FLACC1: variants seen among roughly 807,000 people sequenced by gnomAD.
The protein encoded by FLACC1 is flagellum-associated coiled-coil domain-containing protein 1.
A neutral mutation model predicts 62.8 loss-of-function variants in FLACC1; 66 were observed. The observed-to-expected ratio is 1.05, with a 90% CI of 0.86 to 1.29. FLACC1 has a LOEUF of 1.29. Ranked by LOEUF, FLACC1 falls within the 50% of genes most tolerant of loss-of-function variation. FLACC1 has a pLI of 0.00. For synonymous variants in FLACC1, 156 were observed against 161.0 expected (o/e 0.97, Z 0.24); for missense variants, 452 against 489.1 (o/e 0.92, Z 0.71).
At chr2:201,307,651 T>G in intron 10 of FLACC1, 29 bp from the exon 11 acceptor site, 1 of 1,486,014 alleles carries the variant, frequency 6.7e-7, no homozygotes, top group Non-Finnish European at 9.4e-7. Flanking sequence ...AGCACATATA[T>G]GTGTAAAGAT....
chr2:201,308,343 C>T (rs1950147822), intron 10 of FLACC1, among the ~76,000 whole-genome samples: 1 of 152,176 alleles, frequency 6.6e-6, no homozygotes, highest in Non-Finnish European at 1.5e-5. Context: ...GGAGCAGCTC[C>T]CCCTCCCGTT....
At chr2:201,354,138 A>G (rs1459728895) in intron 1 of FLACC1, among the ~76,000 whole-genome samples, 5 of 152,182 alleles carry the variant, frequency 3.3e-5, no homozygotes, top group Admixed American at 1.3e-4. Context: ...TGACCTTAAG[A>G]GCTACAGAGG....
intron 7 of FLACC1, among the ~76,000 whole-genome samples, chr2:201,333,176 C>G (rs1950627697): frequency 6.6e-6 from 1 of 152,170 alleles, no homozygotes; most frequent in Non-Finnish European, 1.5e-5. Flanking sequence ...CCCACTAACA[C>G]TTTGTAAGTG....
intron 9 of FLACC1, among the ~76,000 whole-genome samples, chr2:201,310,592 G>A (rs914728591): frequency 2.6e-5 from 4 of 152,108 alleles, no homozygotes; most frequent in African/African-American, 9.7e-5. Flanking sequence ...GTTTTCCTGG[G>A]CCTTCATCAA....
intron 7 of FLACC1, among the ~76,000 whole-genome samples, chr2:201,336,806 A>G (rs929527618): frequency 7.2e-5 from 11 of 152,092 alleles, no homozygotes; most frequent in African/African-American, 2.7e-4. Flanking sequence ...CTTTGTCAAT[A>G]TATGTTATTT....
rs1368655740 is a variant in FLACC1 at position 201,357,091 on chromosome 2, C to CTTTA, written c.-161_-158dup. On this transcript the variant is annotated 5_prime_UTR_variant, in exon 1 of 15. It removes the in-frame stop codon of an upstream open reading frame in the 5' UTR. Coordinates refer to ENST00000392257, the MANE Select transcript of FLACC1 (RefSeq NM_001127391.3). ...CCCATCAACACAGAATCAGAGTTTACTTTAGATCAAAAGCCACTTTAGTGG... is the reference window on the plus strand; with the variant it reads ...CCCATCAACACAGAATCAGAGTTTACTTTATTTAGATCAAAAGCCACTTTAGTGG... 6.6e-6 allele frequency: 1 copy of CTTTA among 152,220 alleles called. No homozygotes were observed. The highest frequency in any genetic ancestry group is 1.9e-4 in the East Asian group (1 of 5,202). The allele number at this position is 152,220 out of a possible 1,614,324, so 9.4% of individuals were successfully genotyped here.
At chr2:201,299,468 G>A (rs1949933214) in intron 11 of FLACC1, among the ~76,000 whole-genome samples, 168 bp from the exon 12 acceptor site, 1 of 152,158 alleles carries the variant, frequency 6.6e-6, no homozygotes, top group Non-Finnish European at 1.5e-5. Flanking sequence ...TGAAGTTAAT[G>A]AAAATCTTAA....
chr2:201,341,320 A>T (rs1180657405), intron 7 of FLACC1, among the ~76,000 whole-genome samples: 1 of 151,800 alleles, frequency 6.6e-6, no homozygotes, highest in African/African-American at 2.4e-5. Flanking sequence ...TCACCCATAC[A>T]CATAAGAAAA....
At chr2:201,309,657 C>G (rs1025608761) in intron 9 of FLACC1, among the ~76,000 whole-genome samples, 1 of 151,832 alleles carries the variant, frequency 6.6e-6, no homozygotes, top group East Asian at 1.9e-4. Flanking sequence ...ACCTGTAATC[C>G]CAGCACTTTG....
intron 6 of FLACC1, 119 bp from the exon 7 acceptor site, chr2:201,342,550 A>G: frequency 2.2e-6 from 2 of 928,820 alleles, no homozygotes; most frequent in South Asian, 2.8e-5. Context: ...CATGGGGCAC[A>G]GCCCCCTTCC....
intron 7 of FLACC1, among the ~76,000 whole-genome samples, chr2:201,332,805 T>C (rs1950621053): frequency 1.3e-5 from 2 of 151,932 alleles, no homozygotes; most frequent in African/African-American, 4.9e-5. Flanking sequence ...TGAGAATATG[T>C]GGTATTTGTC....
chr2:201,291,711 G>C (rs1949739178), intron 12 of FLACC1, among the ~76,000 whole-genome samples: 1 of 152,234 alleles, frequency 6.6e-6, no homozygotes, highest in Non-Finnish European at 1.5e-5. Context: ...GAAGGCTTCA[G>C]ATGATCAAAC....
intron 10 of FLACC1, 65 bp downstream of exon 10, chr2:201,309,086 G>A: frequency 7.0e-7 from 1 of 1,422,804 alleles, no homozygotes; most frequent in Non-Finnish European, 9.9e-7. Flanking sequence ...CTCAAGTCAA[G>A]ACCAAACTTC....
At chr2:201,325,695 C>CA (rs1471749832) in intron 9 of FLACC1, among the ~76,000 whole-genome samples, 2 of 151,908 alleles carry the variant, frequency 1.3e-5, no homozygotes, top group Non-Finnish European at 2.9e-5. Flanking sequence ...CCAAGAACAA[C>CA]AAAAAAAGCC....
At chr2:201,304,377 A>C (rs1417370175) in intron 11 of FLACC1, among the ~76,000 whole-genome samples, 1 of 152,140 alleles carries the variant, frequency 6.6e-6, no homozygotes, top group African/African-American at 2.4e-5. Context: ...CTTACAAGGG[A>C]TGTGAAGGAC....
intron 7 of FLACC1, among the ~76,000 whole-genome samples, chr2:201,341,622 A>G (rs532466833): frequency 9.2e-5 from 14 of 151,934 alleles, no homozygotes; most frequent in African/African-American, 3.1e-4. Flanking sequence ...ACAAATTAAC[A>G]TATCCATCAT....
intron 9 of FLACC1, among the ~76,000 whole-genome samples, chr2:201,316,749 C>T (rs1950315014): frequency 6.6e-6 from 1 of 151,784 alleles, no homozygotes; most frequent in African/African-American, 2.4e-5. Context: ...AAGACATAAC[C>T]AAAAAAGAAA....
chr2:201,346,177 G>A lies in FLACC1; in HGVS notation c.368+365C>T, dbSNP rs926123711. Among the ~76,000 whole-genome samples the A allele has an allele frequency of 2.6e-5, 4 of 151,898 alleles. No homozygotes were observed. The highest frequency in any genetic ancestry group is 5.9e-5 in the Non-Finnish European group (4 of 67,966). ...GAGACTCTGTCTCAAAAAAAAAAGT[G>A]CACTCCAGCCACCCAGAAACCCTCA... is the stretch of plus-strand genomic sequence containing the variant. On this transcript the variant is annotated intron_variant, in intron 5 of 14. Transcript: ENST00000392257. The surrounding 1 kb of genome is among the most constrained non-coding windows in gnomAD (Gnocchi z 4.0).
At chr2:201,332,740 C>T (rs1181655815) in intron 7 of FLACC1, among the ~76,000 whole-genome samples, 2 of 151,892 alleles carry the variant, frequency 1.3e-5, no homozygotes, top group African/African-American at 2.4e-5. Context: ...TCTCTTTAAC[C>T]ACCATTTTAC....
Sources: gnomAD v4.1 joint callset for allele counts (sites outside exome capture counted in the v4.1 genomes callset) on GRCh38, gnomAD v4.1.1 for gene constraint, Gnocchi (gnomAD v3.1) non-coding constraint, MANE v1.5 for transcripts, NCBI Gene and HGNC (gene_info 2026-07-23, HGNC 2026-07-21) for gene names.